The following KLHL22 variants were observed in gnomAD, a reference collection of about 807,000 sequenced individuals.
KLHL22 encodes kelch-like protein 22.
KLHL22 carries 18 observed loss-of-function variants against 60.7 expected under a neutral mutation model. That is an observed-to-expected ratio of 0.30 (90% confidence interval 0.20 to 0.44). The LOEUF (loss-of-function observed/expected upper bound fraction) is 0.44. KLHL22 is among the 20% of genes least tolerant of loss of function. KLHL22 has a pLI of 1.00. For missense variants in KLHL22, 596 were observed against 852.3 expected (o/e 0.70, Z 3.74); for synonymous variants, 355 against 354.5 (o/e 1.00, Z -0.01).
intron 2 of KLHL22, among the ~76,000 whole-genome samples, chr22:20,475,004 C>T (rs540040569): frequency 9.2e-5 from 14 of 152,206 alleles, no homozygotes; most frequent in African/African-American, 3.4e-4. Flanking sequence ...ACATAAGGTA[C>T]AGAAAATCTC....
In KLHL22 at chr22:20,479,091, T is replaced by C. The variant is rs540383173; in HGVS notation, c.228-7576A>G. Among the ~76,000 whole-genome samples, 676 of 151,308 alleles carry C rather than the reference T, an allele frequency of 4.5e-3. 2 individuals are homozygous for C. The highest frequency in any genetic ancestry group is 0.018 in the South Asian group (85 of 4,776). On this transcript the variant is annotated intron_variant, in intron 2 of 6. Coordinates refer to ENST00000328879, the MANE Select transcript of KLHL22 (RefSeq NM_032775.4). The stretch of plus-strand genomic sequence containing the variant: ...TTGCAGTGAGCCGAGATGATGCCAC[T>C]GCACTCCAGCCTGGGCGACAGAGTG...
intron 1 of KLHL22, among the ~76,000 whole-genome samples, chr22:20,494,511 G>C (rs1164314969): frequency 6.6e-6 from 1 of 152,172 alleles, no homozygotes; most frequent in Non-Finnish European, 1.5e-5. Flanking sequence ...CTCCCGAGTA[G>C]CTGGGATTAC....
At chr22:20,476,795 G>A (rs1043788059) in intron 2 of KLHL22, among the ~76,000 whole-genome samples, 11 of 144,234 alleles carry the variant, frequency 7.6e-5, no homozygotes, top group Non-Finnish European at 1.2e-4. Context: ...TGCAACCTCC[G>A]CCTACCACGT....
chr22:20,462,772 C>T (rs942170749), intron 4 of KLHL22, among the ~76,000 whole-genome samples: 3 of 151,848 alleles, frequency 2.0e-5, no homozygotes, highest in Admixed American at 1.3e-4. Context: ...GGGAAAGGTA[C>T]AAGGAATGAT....
chr22:20,470,482 T>C (rs2053297328), intron 3 of KLHL22, among the ~76,000 whole-genome samples: 2 of 152,128 alleles, frequency 1.3e-5, no homozygotes, highest in South Asian at 2.1e-4. Context: ...TCTATCTCTA[T>C]AAAAATAATT....
At position 20,442,220 on chromosome 22, in the gene KLHL22, C is replaced by A; in HGVS notation, c.1758G>T (p.Leu586=). Residue 586 remains leucine (L), a synonymous_variant, in exon 7 of 7, where the codon CTG becomes CTT. Transcript: ENST00000328879. ...GGGGCAGGGTGAGCACACAGGCCGC[C>A]AGGCCTGAGATGGAGTTGTCCAGCT... The part of the protein sequence containing the change: ...GPQLDNSISG[L]AACVLTLPRS... 1 of 1,606,134 alleles carries A rather than the reference C, an allele frequency of 6.2e-7. No individual in the cohort carries two copies. The highest frequency in any genetic ancestry group is 8.5e-7 in the Non-Finnish European group (1 of 1,175,276).
chr22:20,493,273 C>A, intron 1 of KLHL22: 1 of 469,002 alleles, frequency 2.1e-6, no homozygotes, highest in Non-Finnish European at 4.4e-6. Context: ...AGGCAAAGCA[C>A]ATTTACCAAG....
intron 5 of KLHL22, 122 bp from the exon 6 acceptor site, chr22:20,446,798 C>A (rs911554158): frequency 2.8e-6 from 2 of 719,240 alleles, no homozygotes; most frequent in Non-Finnish European, 4.9e-6. Flanking sequence ...TCACCACTTC[C>A]CACTCACATA....
intron 1 of KLHL22, chr22:20,489,973 G>T (rs1229626462): frequency 2.8e-6 from 1 of 358,770 alleles, no homozygotes; most frequent in Non-Finnish European, 5.6e-6. Flanking sequence ...TTCAAAAACC[G>T]CAAACTGATT....
rs762564883 is a variant in KLHL22 at position 20,465,657 on chromosome 22, C to T, written c.394-81G>A. 1.1e-5 allele frequency: 9 copies of T among 799,030 alleles called. No individual in the cohort carries two copies. Among genetic ancestry groups the T allele is most frequent in the Middle Eastern group, 2.3e-4 (1 of 4,368 alleles). 49.5% of individuals were successfully genotyped at this position (799,030 alleles called of 1,614,324 possible). On this transcript the variant is annotated intron_variant, in intron 3 of 6. Transcript: ENST00000328879. The surrounding 1 kb of genome is among the most constrained non-coding windows in gnomAD (Gnocchi z 4.9). ...GGGAGAGAGAATGATGGCAGAAATA[C>T]GGGCTGTTGTGGGCCAGGCAAAGCA...
At chr22:20,451,794 T>G (rs552744901) in intron 5 of KLHL22, 2 of 1,602,072 alleles carry the variant, frequency 1.2e-6, no homozygotes, top group Admixed American at 3.3e-5. Flanking sequence ...AGCGCTGTGA[T>G]GCTGGTGTGT....
intron 2 of KLHL22, chr22:20,484,090 G>A (rs187763213): frequency 4.1e-5 from 39 of 958,482 alleles, no homozygotes; most frequent in Admixed American, 1.9e-4. Context: ...AAGGTAGAGC[G>A]AGTGGTGAAG....
At chr22:20,479,559 T>C (rs1331924655) in intron 2 of KLHL22, among the ~76,000 whole-genome samples, 1 of 151,440 alleles carries the variant, frequency 6.6e-6, no homozygotes, top group African/African-American at 2.4e-5. Flanking sequence ...TTTAAAAAAC[T>C]GGCCAGGCAT....
chr22:20,487,384 ATTT>A (rs35035626), intron 2 of KLHL22, among the ~76,000 whole-genome samples: 12 of 139,182 alleles, frequency 8.6e-5, no homozygotes, highest in Admixed American at 1.4e-4. Context: ...CACCCAGCTA[ATTT>A]TTTTTTTTTT....
rs537253702 is a variant in KLHL22 at position 20,479,792 on chromosome 22, G to A, written c.228-8277C>T. ...TGCACTGTTGGTGGGAATGAAAAGT[G>A]GTGCAACTGCTATGTTCCTCAGAAA... On this transcript the variant is annotated intron_variant, in intron 2 of 6. Coordinates refer to ENST00000328879, the MANE Select transcript of KLHL22 (RefSeq NM_032775.4). 8.5e-5 allele frequency among the ~76,000 whole-genome samples: 13 copies of A among 152,274 alleles called. No individual in the cohort carries two copies. In the East Asian group the frequency reaches 1.9e-3, roughly 23 times the overall value.
chr22:20,457,726 T>G, intron 5 of KLHL22, 82 bp downstream of exon 5: 1 of 1,103,416 alleles, frequency 9.1e-7, no homozygotes, highest in Admixed American at 2.2e-5. Flanking sequence ...GGACAGGCCT[T>G]GACACCTAGG....
intron 2 of KLHL22, among the ~76,000 whole-genome samples, chr22:20,480,700 T>C (rs1294846760): frequency 2.6e-5 from 4 of 152,094 alleles, no homozygotes; most frequent in African/African-American, 7.2e-5. Flanking sequence ...CGGTGCCTCC[T>C]CTTCAAACAC....
intron 2 of KLHL22, chr22:20,488,637 G>GTAGATCTCGGTGGTCGCCGT: frequency 3.9e-5 from 11 of 281,670 alleles, no homozygotes; most frequent in Non-Finnish European, 6.0e-5. Context: ...GCCAGAAGGT[G>GTAGATCTCGGTGGTCGCCGT]ATGCATACAC....
rs1033894874 is a variant in KLHL22, at chr22:20,495,454, G to A, written c.-34+306C>T. ...GGACCTGCCGCAGGCAACAGGGCCCGCCCGGGTGCCAGGAGGCCGGCGCGC... is the reference window on the plus strand; with the variant it reads ...GGACCTGCCGCAGGCAACAGGGCCCACCCGGGTGCCAGGAGGCCGGCGCGC... On this transcript the variant is annotated intron_variant, in intron 1 of 6. Transcript: ENST00000328879. This position sits in a 1 kb window ranked among gnomAD's most constrained non-coding sequence, Gnocchi z 4.6. Among the ~76,000 whole-genome samples, 16 of 152,150 alleles carry A rather than the reference G, an allele frequency of 1.1e-4. No individual in the cohort carries two copies. The highest frequency in any genetic ancestry group is 2.1e-4 in the South Asian group (1 of 4,832).
Sources: allele counts gnomAD v4.1 joint callset (sites outside exome capture counted in the v4.1 genomes callset), GRCh38; gene constraint gnomAD v4.1.1; non-coding constraint Gnocchi (gnomAD v3.1); transcripts MANE v1.5; gene names NCBI Gene and HGNC (gene_info 2026-07-23, HGNC 2026-07-21).